Variants in ATF7IP observed in about 807,000 individuals in gnomAD.
The protein encoded by ATF7IP is activating transcription factor 7-interacting protein 1.
In ATF7IP, 23 loss-of-function variants were observed where a neutral mutation model predicts 106.4. The ratio of observed to expected loss-of-function variants is 0.22; its 90% CI spans 0.16 to 0.31. The LOEUF (loss-of-function observed/expected upper bound fraction) is 0.31. Ranked by LOEUF, ATF7IP falls within the 10% of genes least tolerant of loss-of-function variation. ATF7IP has a pLI of 1.00. For missense variants in ATF7IP, 1,334 were observed against 1,524.3 expected (o/e 0.88, Z 2.08); for synonymous variants, 542 against 539.0 (o/e 1.01, Z -0.08).
chr12:14,473,904 C>T (rs1043729199), intron 10 of ATF7IP, among the ~76,000 whole-genome samples: 2 of 151,504 alleles, frequency 1.3e-5, no homozygotes, highest in African/African-American at 4.8e-5. Flanking sequence ...ACTCTTTGCT[C>T]CTGTATAACG....
intron 1 of ATF7IP, chr12:14,420,365 C>T (rs1170321555): frequency 1.3e-5 from 2 of 152,562 alleles, no homozygotes; most frequent in African/African-American, 4.8e-5. Context: ...TGTGGTGGCT[C>T]ACACCTGTAA....
At chr12:14,462,276 C>A (rs745571812) in intron 9 of ATF7IP, among the ~76,000 whole-genome samples, 2 of 151,908 alleles carry the variant, frequency 1.3e-5, no homozygotes, top group Admixed American at 1.3e-4. Flanking sequence ...TTTGGATATT[C>A]TTTCATGTTT....
In ATF7IP at chr12:14,498,186, GAT is replaced by G. The variant is rs1945068683; in HGVS notation, c.*114_*115del. ...CACCTTGTGCAAGATTTCTTGGACA[GAT>G]GTGTGTATACACTACATTTGTTTAT... On this transcript the variant is annotated 3_prime_UTR_variant, in exon 15 of 15. Transcript: ENST00000261168. The G allele has an allele frequency of 9.8e-7, 1 of 1,017,908 alleles. No homozygotes were observed. Among genetic ancestry groups the G allele is most frequent in the African/African-American group, 1.6e-5 (1 of 62,182 alleles). 63.1% of individuals were successfully genotyped at this position (1,017,908 alleles called of 1,614,324 possible).
At chr12:14,468,635 G>T (rs993389953) in intron 10 of ATF7IP, among the ~76,000 whole-genome samples, 1 of 152,142 alleles carries the variant, frequency 6.6e-6, no homozygotes, top group Non-Finnish European at 1.5e-5. Context: ...TAAAAAATGC[G>T]TACAAGCAGT....
intron 1 of ATF7IP, among the ~76,000 whole-genome samples, chr12:14,418,211 T>A (rs10772780): frequency 1.3e-5 from 2 of 151,802 alleles, no homozygotes; most frequent in African/African-American, 4.8e-5. Flanking sequence ...AATATAAATT[T>A]CTATAGAAAA....
At chr12:14,487,068 C>CA (rs1944644449) in intron 13 of ATF7IP, among the ~76,000 whole-genome samples, 4 of 152,138 alleles carry the variant, frequency 2.6e-5, no homozygotes, top group Admixed American at 2.0e-4. Flanking sequence ...AGCTCACTCA[C>CA]AGTGTGCCAT....
chr12:14,425,983 A>G (rs1941825250), intron 2 of ATF7IP, among the ~76,000 whole-genome samples: 1 of 152,188 alleles, frequency 6.6e-6, no homozygotes, highest in South Asian at 2.1e-4. Flanking sequence ...TTGATTATCC[A>G]TTTGATAAAG....
intron 5 of ATF7IP, among the ~76,000 whole-genome samples, chr12:14,445,550 A>G (rs372770914): frequency 1.3e-5 from 2 of 152,154 alleles, no homozygotes; most frequent in East Asian, 1.9e-4. Context: ...AGGTAAATCC[A>G]TGTTAAGGAT....
intron 1 of ATF7IP, among the ~76,000 whole-genome samples, chr12:14,387,234 G>A (rs1490895760): frequency 2.0e-5 from 3 of 152,234 alleles, no homozygotes; most frequent in Admixed American, 6.5e-5. Context: ...ACATTTCAAT[G>A]TGTTTGAGGG....
rs76021471 is a variant in ATF7IP, at chr12:14,461,543, C to G, written c.2797+410C>G. On this transcript the variant is annotated intron_variant, in intron 9 of 14. Coordinates refer to ENST00000261168, the MANE Select transcript of ATF7IP (RefSeq NM_018179.5). ...ATGTTCCTTACCCATTTGGAAAATC[C>G]TTTGTGCACTCACTCATAGCTTCCA... Among the ~76,000 whole-genome samples the G allele has an allele frequency of 3.9e-3, 586 of 152,148 alleles. 33 individuals carry two copies. The East Asian group carries it at 0.1, about 26-fold the overall frequency.
chr12:14,415,474 G>C (rs1480259324), intron 1 of ATF7IP, among the ~76,000 whole-genome samples: 2 of 152,164 alleles, frequency 1.3e-5, no homozygotes, highest in East Asian at 3.8e-4. Context: ...CTGGGGAATT[G>C]TTGGTAACCT....
intron 1 of ATF7IP, among the ~76,000 whole-genome samples, chr12:14,398,679 T>G (rs1015248189): frequency 2.6e-5 from 4 of 152,066 alleles, no homozygotes; most frequent in African/African-American, 9.6e-5. Context: ...GATTTATTTC[T>G]GATTGTGAAT....
chr12:14,385,286 T>C (rs892357929), intron 1 of ATF7IP: 1 of 1,032,868 alleles, frequency 9.7e-7, no homozygotes, highest in Non-Finnish European at 1.4e-6. Context: ...TAATTACACT[T>C]TTGTGCAACT....
At chr12:14,491,055 A>G (rs193265484) in intron 13 of ATF7IP, among the ~76,000 whole-genome samples, 5 of 152,200 alleles carry the variant, frequency 3.3e-5, no homozygotes, top group African/African-American at 1.2e-4. Flanking sequence ...TGATTCACCT[A>G]TGGGGTCCTG....
chr12:14,422,755 T>C (rs555121019), intron 1 of ATF7IP, among the ~76,000 whole-genome samples: 27 of 152,328 alleles, frequency 1.8e-4, no homozygotes, highest in African/African-American at 6.0e-4. Flanking sequence ...TTGAATGATA[T>C]TCTGTTGTAG....
intron 1 of ATF7IP, chr12:14,416,796 C>G (rs1031619553): frequency 4.4e-6 from 2 of 449,754 alleles, no homozygotes; most frequent in South Asian, 9.3e-5. Flanking sequence ...ACACTGATGT[C>G]TGATTGGTTT....
chr12:14,423,574 CTTTTTTTTTTTTT>C, intron 1 of ATF7IP, among the ~76,000 whole-genome samples: 1 of 34,430 alleles, frequency 2.9e-5, no homozygotes, highest in African/African-American at 1.5e-4. Context: ...TCTTCAGGTA[CTTTTTTTTTTTTT>C]TTTTTTTTTT....
intron 9 of ATF7IP, among the ~76,000 whole-genome samples, chr12:14,461,646 C>T (rs1026158906): frequency 2.6e-5 from 4 of 151,894 alleles, no homozygotes; most frequent in African/African-American, 7.3e-5. Context: ...TTATCTTTTC[C>T]GTGTTTTCCC....
At chr12:14,385,055 G>A (rs534200133) in intron 1 of ATF7IP, 2 of 243,990 alleles carry the variant, frequency 8.2e-6, no homozygotes, top group South Asian at 2.8e-4. Context: ...CCCAAAGTCT[G>A]TATTGCAAGA....
Sources: allele counts gnomAD v4.1 joint callset (sites outside exome capture counted in the v4.1 genomes callset), GRCh38; gene constraint gnomAD v4.1.1; transcripts MANE v1.5; gene names NCBI Gene and HGNC (gene_info 2026-07-23, HGNC 2026-07-21).